DPT: variants seen among roughly 807,000 people sequenced by gnomAD.
The protein encoded by DPT is tyrosine-rich acidic matrix protein.
Under a neutral mutation model 31.2 loss-of-function variants are expected in DPT, and 21 were observed. The ratio of observed to expected loss-of-function variants is 0.67; its 90% confidence interval spans 0.48 to 0.97. DPT has a LOEUF of 0.97. DPT is among the 50% of genes least tolerant of loss of function. DPT has a pLI of 0.00. For missense variants in DPT, 262 were observed against 258.8 expected, an observed-to-expected ratio of 1.01 and a Z score of -0.08; for synonymous variants, 91 against 86.9, an observed-to-expected ratio of 1.05 and a Z score of -0.26.
intron 1 of DPT, among the ~76,000 whole-genome samples, chr1:168,719,881 A>C (rs1294949281): frequency 6.6e-6 from 1 of 151,790 alleles, no homozygotes; most frequent in Non-Finnish European, 1.5e-5. Flanking sequence ...GCTCCATCTG[A>C]AACTGGAAGC....
Position 168,696,538 on chromosome 1 carries a change from A to T in DPT, c.*11T>A. ...CCCTTTCCTTTCACCCAGATTTGGT[A>T]TGTGGCAAATCTAAACATTTGCAAA... On this transcript the variant is annotated 3_prime_UTR_variant, in exon 4 of 4. Transcript: ENST00000367817. The T allele has an allele frequency of 1.9e-6, 3 of 1,613,316 alleles. No individual in the cohort carries two copies. In the Admixed American group the frequency reaches 5.0e-5, roughly 27 times the overall value.
chr1:168,715,491 GATCTAGAATTTTAC>G (rs757434465), intron 1 of DPT, among the ~76,000 whole-genome samples: 2 of 151,954 alleles, frequency 1.3e-5, no homozygotes, highest in Non-Finnish European at 2.9e-5. Context: ...ACTTATCCAG[GATCTAGAATTTTAC>G]ATCTAGAATT....
At chr1:168,701,501 T>C (rs190316922) in intron 2 of DPT, among the ~76,000 whole-genome samples, 60 of 152,334 alleles carry the variant, frequency 3.9e-4, no homozygotes, top group Non-Finnish European at 7.8e-4. Context: ...ACAAAATCAA[T>C]TTAATTGGCT....
chr1:168,701,213 AG>A, intron 2 of DPT, 89 bp from the exon 3 acceptor site: 1 of 1,012,464 alleles, frequency 9.9e-7, no homozygotes, highest in South Asian at 1.3e-5. Context: ...GAAGAGATGG[AG>A]TTTGAGCATC....
intron 2 of DPT, among the ~76,000 whole-genome samples, chr1:168,709,010 G>T (rs147365987): frequency 6.6e-6 from 1 of 152,238 alleles, no homozygotes; most frequent in Admixed American, 6.5e-5. Flanking sequence ...TGCACACAGA[G>T]AGTGGGGAAG....
chr1:168,718,164 T>A (rs1186448996), intron 1 of DPT, among the ~76,000 whole-genome samples: 1 of 152,250 alleles, frequency 6.6e-6, no homozygotes, highest in East Asian at 1.9e-4. Context: ...GTTCCATTGT[T>A]TTGGCTTGTC....
intron 3 of DPT, among the ~76,000 whole-genome samples, chr1:168,699,063 A>G (rs1371840408): frequency 1.3e-5 from 2 of 152,178 alleles, no homozygotes; most frequent in Non-Finnish European, 2.9e-5. Context: ...AATTTACTAA[A>G]AAGTGAATTT....
intron 2 of DPT, among the ~76,000 whole-genome samples, chr1:168,712,637 C>T (rs74604085): frequency 0.015 from 2,341 of 152,258 alleles, 35 homozygotes; most frequent in African/African-American, 0.043. Context: ...TTCATTAGGG[C>T]GCACTCGTCT....
intron 2 of DPT, among the ~76,000 whole-genome samples, chr1:168,706,907 G>C (rs1239812726): frequency 6.6e-6 from 1 of 152,144 alleles, no homozygotes; most frequent in Non-Finnish European, 1.5e-5. Context: ...ATTATGTGGT[G>C]GTCACCCTGG....
chr1:168,697,896 C>T (rs1018625103), intron 3 of DPT, among the ~76,000 whole-genome samples: 1 of 152,216 alleles, frequency 6.6e-6, no homozygotes, highest in African/African-American at 2.4e-5. Context: ...GTCTGCCTAA[C>T]TAGGTAATCT....
intron 2 of DPT, among the ~76,000 whole-genome samples, chr1:168,709,327 T>C (rs1649797604): frequency 6.6e-6 from 1 of 152,218 alleles, no homozygotes; most frequent in African/African-American, 2.4e-5. Context: ...CAGTGACATG[T>C]GTTTGTGGTT....
At chr1:168,719,094 C>T (rs577732227) in intron 1 of DPT, among the ~76,000 whole-genome samples, 44 of 152,146 alleles carry the variant, frequency 2.9e-4, no homozygotes, top group South Asian at 1.7e-3. Flanking sequence ...AATGAGGGAC[C>T]GAATGAGTGA....
intron 2 of DPT, among the ~76,000 whole-genome samples, chr1:168,711,310 A>G (rs1019567149): frequency 1.3e-5 from 2 of 151,874 alleles, no homozygotes; most frequent in Non-Finnish European, 2.9e-5. Flanking sequence ...GTGAGCCACC[A>G]TGCCCGGCCT....
intron 1 of DPT, among the ~76,000 whole-genome samples, chr1:168,725,260 C>CTTT (rs1650215186): frequency 1.6e-5 from 2 of 121,564 alleles, no homozygotes; most frequent in Non-Finnish European, 3.4e-5. Context: ...TTTCTCTTTC[C>CTTT]CTTCCTTTCT....
chr1:168,721,441 A>T (rs2267651), intron 1 of DPT, among the ~76,000 whole-genome samples: 2,261 of 152,302 alleles, frequency 0.015, 90 homozygotes, highest in East Asian at 0.12. Context: ...TACTACCATG[A>T]TGATAAAAGT....
Position 168,696,468 on chromosome 1 carries a change from G to T in DPT, c.*81C>A. 1 of 1,231,994 alleles carries T rather than the reference G, an allele frequency of 8.1e-7. No individual in the cohort carries two copies. Among genetic ancestry groups the T allele is most frequent in the Non-Finnish European group, 1.2e-6 (1 of 868,484 alleles). 76.3% of individuals were successfully genotyped at this position (1,231,994 alleles called of 1,614,324 possible). A position where few individuals can be genotyped will look rare whatever the true frequency, so the allele number is the denominator to read the frequency against. ...GAGAGCAGCAGAAACTTCTATAGGAGATCCAACTGATGTTAACATATGTGG... is the reference window on the plus strand; with the variant it reads ...GAGAGCAGCAGAAACTTCTATAGGATATCCAACTGATGTTAACATATGTGG... On this transcript the variant is annotated 3_prime_UTR_variant, in exon 4 of 4. Transcript: ENST00000367817.
intron 2 of DPT, among the ~76,000 whole-genome samples, chr1:168,704,594 G>T (rs567926880): frequency 6.6e-6 from 1 of 150,788 alleles, no homozygotes; most frequent in Non-Finnish European, 1.5e-5. Context: ...GTGTGTGTGG[G>T]GTGTGTGTGT....
chr1:168,714,202 G>C lies in DPT; in HGVS notation c.431+19C>G, dbSNP rs757014978. 6.2e-7 allele frequency: 1 copy of C among 1,613,980 alleles called. No individual in the cohort carries two copies. The highest frequency in any genetic ancestry group is 8.5e-7 in the Non-Finnish European group (1 of 1,179,950). On this transcript the variant is annotated intron_variant, in intron 2 of 3. Transcript: ENST00000367817. ...CCCACCCCAGGAGTCATGAGGGTTT[G>C]GTCGGCTGCCAGACTCACCAGCAGG...
At chr1:168,727,425 G>A (rs934304244) in intron 1 of DPT, among the ~76,000 whole-genome samples, 1 of 152,038 alleles carries the variant, frequency 6.6e-6, no homozygotes, top group East Asian at 1.9e-4. Context: ...TTAAAGGCCC[G>A]CTCTCTTTCC....
Sources: gnomAD v4.1 joint callset for allele counts (sites outside exome capture counted in the v4.1 genomes callset) on GRCh38, gnomAD v4.1.1 for gene constraint, MANE v1.5 for transcripts, NCBI Gene and HGNC (gene_info 2026-07-23, HGNC 2026-07-21) for gene names.